Variants in COX18 observed in about 807,000 individuals in gnomAD.
The protein encoded by COX18 is cytochrome c oxidase assembly protein COX18, mitochondrial.
In COX18, 45 loss-of-function variants were observed where a neutral mutation model predicts 38.0. The ratio of observed to expected loss-of-function variants is 1.18; its 90% CI spans 0.93 to 1.52. The LOEUF is 1.52. Among genes scored for constraint, COX18 ranks in the 40% most tolerant of loss-of-function variants. The pLI, the probability that COX18 is intolerant of heterozygous loss-of-function variation, is 0.00. For synonymous variants in COX18, 177 were observed against 169.8 expected, an observed-to-expected ratio of 1.04 and a Z score of -0.33; for missense variants, 462 against 423.8, an observed-to-expected ratio of 1.09 and a Z score of -0.79.
chr4:73,056,455 TAC>T lies in COX18; in HGVS notation c.*1657_*1658del, dbSNP rs1349841158. 2 of 152,220 alleles carry T rather than the reference TAC, an allele frequency of 1.3e-5. No individual in the cohort carries two copies. Among genetic ancestry groups the T allele is most frequent in the Non-Finnish European group, 2.9e-5 (2 of 68,032 alleles). The allele number at this position is 152,220 out of a possible 1,614,324, so 9.4% of individuals were successfully genotyped here. A position where few individuals can be genotyped will look rare whatever the true frequency, so the allele number is the denominator to read the frequency against. On this transcript the variant is annotated 3_prime_UTR_variant, in exon 6 of 6. Transcript: ENST00000507544. The stretch of plus-strand genomic sequence containing the variant: ...GATTTTCCACTTTGGGTGCTAGCAG[TAC>T]ACAGTGTTACACTCTGTATTCCAGA...
rs984809523 is a variant in COX18, at chr4:73,052,387, T to C, written c.*5727A>G. On this transcript the variant is annotated 3_prime_UTR_variant, in exon 6 of 6. Transcript: ENST00000507544. ...TTACTTATATAGTTGTATTTTTATT[T>C]TTATATAAATTTATATTCTTATTTT... 11 of 152,118 alleles carry C rather than the reference T, an allele frequency of 7.2e-5. No homozygotes were observed. Among genetic ancestry groups the C allele is most frequent in the African/African-American group, 2.6e-4 (11 of 41,568 alleles). The allele number at this position is 152,118 out of a possible 1,614,324, so 9.4% of individuals were successfully genotyped here. A position where few individuals can be genotyped will look rare whatever the true frequency, so the allele number is the denominator to read the frequency against.
rs1719786069 is a variant in COX18, at chr4:73,053,081, G to T, written c.*5033C>A. Reference sequence around the variant, plus strand: ...GGAACAAAACACAGAAGGTACCAAGGTTTTTTTGGGCACTCATTTTTTCAC... The same window carrying T: ...GGAACAAAACACAGAAGGTACCAAGTTTTTTTTGGGCACTCATTTTTTCAC... On this transcript the variant is annotated 3_prime_UTR_variant, in exon 6 of 6. Transcript: ENST00000507544. 1 of 151,992 alleles carries T rather than the reference G, an allele frequency of 6.6e-6. No individual in the cohort carries two copies. The highest frequency in any genetic ancestry group is 1.5e-5 in the Non-Finnish European group (1 of 67,986). The allele number at this position is 151,992 out of a possible 1,614,324, so 9.4% of individuals were successfully genotyped here. A position where few individuals can be genotyped will look rare whatever the true frequency, so the allele number is the denominator to read the frequency against.
chr4:73,069,475 C>T lies in COX18; in HGVS notation c.175G>A (p.Ala59Thr). Reference protein sequence around the residue: ...VHANGWYEALAASSPVRVAEE... With the variant: ...VHANGWYEALTASSPVRVAEE... ...GCAACCCGCACCGGCGAAGACGCGG[C>T]CAGGGCCTCGTACCAGCCGTTCGCA... is the stretch of plus-strand genomic sequence containing the variant. The change falls in exon 1 of 6, where the codon GCC becomes ACC. Residue 59 changes from alanine (A) to threonine (T), a missense_variant. Transcript: ENST00000507544. The T allele has an allele frequency of 6.3e-7, 1 of 1,592,722 alleles. No individual in the cohort carries two copies. Among genetic ancestry groups the T allele is most frequent in the Non-Finnish European group, 8.5e-7 (1 of 1,170,964 alleles).
At chr4:73,062,071 T>A in intron 4 of COX18, 151 bp from the exon 5 acceptor site, 1 of 560,756 alleles carries the variant, frequency 1.8e-6, no homozygotes, top group Non-Finnish European at 3.1e-6. Flanking sequence ...TTAATTTATA[T>A]GGCTGATCAT....
Position 73,069,382 on chromosome 4 carries a change from T to C in COX18, c.268A>G (p.Thr90Ala). Reference protein sequence around the residue: ...LPWWGSILLSTVALRGAVTLP... With the variant: ...LPWWGSILLSAVALRGAVTLP... ...GTGACAGCACCCCGTAAGGCCACGG[T>C]GGAGAGCAGAATGCTGCCCCACCAG... The change falls in exon 1 of 6, where the codon ACC becomes GCC. Residue 90 changes from threonine (T) to alanine (A), a missense_variant. By Grantham distance (58) the Thr-to-Ala change is moderately conservative. Transcript: ENST00000507544. 6.4e-7 allele frequency: 1 copy of C among 1,561,518 alleles called. No homozygotes were observed. The highest frequency in any genetic ancestry group is 8.7e-7 in the Non-Finnish European group (1 of 1,153,836).
chr4:73,062,655 A>T (rs1720234276), intron 4 of COX18, among the ~76,000 whole-genome samples: 1 of 152,120 alleles, frequency 6.6e-6, no homozygotes, highest in African/African-American at 2.4e-5. Context: ...TAGGCAACAT[A>T]GCGAAACCAT....
Position 73,055,251 on chromosome 4 carries a change from C to T in COX18, c.*2863G>A, listed in dbSNP as rs1719846199. On this transcript the variant is annotated 3_prime_UTR_variant, in exon 6 of 6. Coordinates refer to ENST00000507544, the MANE Select transcript of COX18 (RefSeq NM_001297732.2). ...GACCTAAGCTGCACACACATTTCTG[C>T]CTCTGCATCCTTGATTGTACACGCT... is the stretch of plus-strand genomic sequence containing the variant. 6.6e-6 allele frequency: 1 copy of T among 152,222 alleles called. No individual in the cohort carries two copies. The highest frequency in any genetic ancestry group is 1.5e-5 in the Non-Finnish European group (1 of 68,036). The allele number at this position is 152,222 out of a possible 1,614,324, so 9.4% of individuals were successfully genotyped here. A position where few individuals can be genotyped will look rare whatever the true frequency, so the allele number is the denominator to read the frequency against.
intron 2 of COX18, among the ~76,000 whole-genome samples, 165 bp downstream of exon 2, chr4:73,067,864 A>AATATATATATATATAT (rs1377330345): frequency 2.1e-3 from 43 of 20,004 alleles, no homozygotes; most frequent in Non-Finnish European, 5.6e-3. Flanking sequence ...AAAAAAAAAA[A>AATATATATATATATAT]ATATATATAT....
intron 4 of COX18, among the ~76,000 whole-genome samples, chr4:73,062,467 T>C (rs904265588): frequency 2.0e-5 from 3 of 152,108 alleles, no homozygotes; most frequent in African/African-American, 7.2e-5. Context: ...ATGGTAGCTA[T>C]TGTCACAGGA....
chr4:73,052,469 T>C lies in COX18; in HGVS notation c.*5645A>G, dbSNP rs1468860772. On this transcript the variant is annotated 3_prime_UTR_variant, in exon 6 of 6. Transcript: ENST00000507544. ...CCAGAAACTTTTGGGTAAATAAAAT[T>C]ATCTGACTTTAATGCTGTGGCTTTA... 6.6e-6 allele frequency: 1 copy of C among 152,144 alleles called. No individual in the cohort carries two copies. The highest frequency in any genetic ancestry group is 6.5e-5 in the Admixed American group (1 of 15,284). 9.4% of individuals were successfully genotyped at this position (152,144 alleles called of 1,614,324 possible).
chr4:73,056,702 T>A lies in COX18; in HGVS notation c.*1412A>T, dbSNP rs975293333. 1 of 152,186 alleles carries A rather than the reference T, an allele frequency of 6.6e-6. No individual in the cohort carries two copies. Among genetic ancestry groups the A allele is most frequent in the African/African-American group, 2.4e-5 (1 of 41,448 alleles). The allele number at this position is 152,186 out of a possible 1,614,324, so 9.4% of individuals were successfully genotyped here. A position where few individuals can be genotyped will look rare whatever the true frequency, so the allele number is the denominator to read the frequency against. ...ATTAACTAGGAATTGCCAGAAAATC[T>A]TCCTGGTAACAAGGAAGTCCCCGTA... On this transcript the variant is annotated 3_prime_UTR_variant, in exon 6 of 6. Transcript: ENST00000507544.
rs542888661 is a variant in COX18, at chr4:73,052,762, C to A, written c.*5352G>T. On this transcript the variant is annotated 3_prime_UTR_variant, in exon 6 of 6. Transcript: ENST00000507544. The stretch of plus-strand genomic sequence containing the variant: ...TAGCTTTAATACAGAAATCTAAATT[C>A]TTGCATGGTTTCAGATGTTATGCCT... The A allele has an allele frequency of 5.3e-5, 8 of 152,232 alleles. No individual in the cohort carries two copies. Among genetic ancestry groups the A allele is most frequent in the African/African-American group, 1.9e-4 (8 of 41,534 alleles). The allele number at this position is 152,232 out of a possible 1,614,324, so 9.4% of individuals were successfully genotyped here. A position where few individuals can be genotyped will look rare whatever the true frequency, so the allele number is the denominator to read the frequency against.
Position 73,055,268 on chromosome 4 carries a change from G to A in COX18, c.*2846C>T, listed in dbSNP as rs906471705. The A allele has an allele frequency of 6.6e-6, 1 of 152,138 alleles. No homozygotes were observed. The highest frequency in any genetic ancestry group is 1.5e-5 in the Non-Finnish European group (1 of 68,014). The allele number at this position is 152,138 out of a possible 1,614,324, so 9.4% of individuals were successfully genotyped here. On this transcript the variant is annotated 3_prime_UTR_variant, in exon 6 of 6. Transcript: ENST00000507544. ...CATTTCTGCCTCTGCATCCTTGATT[G>A]TACACGCTGCAAATATAGTCAATTT...
At position 73,055,129 on chromosome 4, in the gene COX18, G is replaced by T. The variant is rs562633496; in HGVS notation, c.*2985C>A. The T allele has an allele frequency of 6.6e-6, 1 of 152,280 alleles. No homozygotes were observed. Among genetic ancestry groups the T allele is most frequent in the East Asian group, 1.9e-4 (1 of 5,184 alleles). The allele number at this position is 152,280 out of a possible 1,614,324, so 9.4% of individuals were successfully genotyped here. ...AAAGGCCATTATGAGAAAAATATCTGAGTGTACACAGTAACACACACGGCA... is the reference window on the plus strand; with the variant it reads ...AAAGGCCATTATGAGAAAAATATCTTAGTGTACACAGTAACACACACGGCA... On this transcript the variant is annotated 3_prime_UTR_variant, in exon 6 of 6. Transcript: ENST00000507544.
rs1439269151 is a variant in COX18, at chr4:73,056,798, T to G, written c.*1316A>C. Reference sequence around the variant, plus strand: ...GCCTTTTTTCAGATGCTCAAAGAGGTCTAAAATCCTCTCCACCTCCAAAAT... The same window carrying G: ...GCCTTTTTTCAGATGCTCAAAGAGGGCTAAAATCCTCTCCACCTCCAAAAT... On this transcript the variant is annotated 3_prime_UTR_variant, in exon 6 of 6. Coordinates refer to ENST00000507544, the MANE Select transcript of COX18 (RefSeq NM_001297732.2). 18 of 152,098 alleles carry G rather than the reference T, an allele frequency of 1.2e-4. 1 individual carries two copies. Among genetic ancestry groups the G allele is most frequent in the Admixed American group, 1.1e-3 (17 of 15,268 alleles). The allele number at this position is 152,098 out of a possible 1,614,324, so 9.4% of individuals were successfully genotyped here. A position where few individuals can be genotyped will look rare whatever the true frequency, so the allele number is the denominator to read the frequency against.
intron 2 of COX18, 33 bp downstream of exon 2, chr4:73,067,996 G>C: frequency 8.0e-7 from 1 of 1,246,828 alleles, no homozygotes; most frequent in Non-Finnish European, 1.2e-6. Flanking sequence ...GTGTATGTGT[G>C]CGTATGGTCT....
Position 73,064,856 on chromosome 4 carries a change from C to T in COX18, c.645G>A (p.Trp215Ter). The change falls in exon 4 of 6, where the codon TGG becomes TGA. Residue 215 changes from tryptophan to a stop codon, truncating the protein, a stop_gained. Transcript: ENST00000507544. LOFTEE classifies it high-confidence loss of function. Reference sequence around the variant, plus strand: ...AGTCGGGTGCAGTGAGGTCAGGAAACCACAGAATTCCACCAGTAGCTAACT... The same window carrying T: ...AGTCGGGTGCAGTGAGGTCAGGAAATCACAGAATTCCACCAGTAGCTAACT... Reference protein sequence around the residue: ...QEQLATGGILWFPDLTAPDST... With the variant: ...QEQLATGGIL 1 of 1,613,898 alleles carries T rather than the reference C, an allele frequency of 6.2e-7. No homozygotes were observed. Among genetic ancestry groups the T allele is most frequent in the Non-Finnish European group, 8.5e-7 (1 of 1,179,858 alleles).
At chr4:73,068,767 G>C (rs1202826807) in intron 1 of COX18, 1 of 153,060 alleles carries the variant, frequency 6.5e-6, no homozygotes, top group Non-Finnish European at 1.5e-5. Flanking sequence ...AGGCAAGGAA[G>C]GTACTGCTAG....
chr4:73,062,662 C>G (rs1174319763), intron 4 of COX18, among the ~76,000 whole-genome samples: 1 of 152,132 alleles, frequency 6.6e-6, no homozygotes, highest in African/African-American at 2.4e-5. Context: ...CATAGCGAAA[C>G]CATCTCTACA....
Sources: allele counts gnomAD v4.1 joint callset (sites outside exome capture counted in the v4.1 genomes callset), GRCh38; gene constraint gnomAD v4.1.1; transcripts MANE v1.5; gene names NCBI Gene and HGNC (gene_info 2026-07-23, HGNC 2026-07-21).